DAB1: variants seen among roughly 807,000 people sequenced by gnomAD.
DAB1 encodes the protein DAB adaptor protein 1.
In DAB1, 15 loss-of-function variants were observed where a neutral mutation model predicts 64.6. The observed-to-expected ratio is 0.23, with a 90% CI of 0.16 to 0.36. The LOEUF is 0.36. DAB1 is among the 10% of genes least tolerant of loss of function. The probability of loss-of-function intolerance (pLI) is 1.00; values close to 1 mark genes in which losing one functional copy is unlikely to be tolerated. For synonymous variants in DAB1, 235 were observed against 251.9 expected (o/e 0.93, Z 0.64); for missense variants, 596 against 706.7 (o/e 0.84, Z 1.78).
chr1:57,398,302 G>A (rs772794936), intron 1 of DAB1, among the ~76,000 whole-genome samples: 7 of 152,070 alleles, frequency 4.6e-5, no homozygotes, highest in African/African-American at 1.4e-4. Flanking sequence ...GAGTGCCCTC[G>A]AGCACAGAGG....
chr1:57,439,648 T>TCC (rs1685860379), intron 7 of DAB1, among the ~76,000 whole-genome samples: 1 of 122,244 alleles, frequency 8.2e-6, no homozygotes, highest in Admixed American at 7.7e-5. Context: ...AGGATGGTCT[T>TCC]GATCTTCTGA....
rs1644983016 is a variant in DAB1, at chr1:57,555,910, C to T, written n.625+93682G>A. ...CCTTTACATTCTATTTAAAAATGACCCCTTTTTCATTCCAACTCCCAATTA... is the reference window on the plus strand; with the variant it reads ...CCTTTACATTCTATTTAAAAATGACTCCTTTTTCATTCCAACTCCCAATTA... On this transcript the variant is annotated intron_variant and non_coding_transcript_variant, in intron 7 of 20. Transcript: ENST00000485760. Among the ~76,000 whole-genome samples, 2 of 152,072 alleles carry T rather than the reference C, an allele frequency of 1.3e-5. 1 individual carries two copies. Among genetic ancestry groups the T allele is most frequent in the Admixed American group, 1.3e-4 (2 of 15,256 alleles).
At chr1:57,756,634 G>A (rs1648820359) in intron 6 of DAB1, among the ~76,000 whole-genome samples, 1 of 151,804 alleles carries the variant, frequency 6.6e-6, no homozygotes, top group African/African-American at 2.4e-5. Flanking sequence ...GTGGGGAGAT[G>A]AGAAGTCCAG....
chr1:57,041,631 TA>T (rs1353615611), intron 9 of DAB1, among the ~76,000 whole-genome samples: 3 of 152,206 alleles, frequency 2.0e-5, no homozygotes, highest in African/African-American at 7.2e-5. Flanking sequence ...AGTTGAAGAT[TA>T]CCCAGGATAA....
At chr1:57,703,279 A>G (rs144709502) in intron 6 of DAB1, among the ~76,000 whole-genome samples, 2,201 of 152,316 alleles carry the variant, frequency 0.014, 54 homozygotes, top group African/African-American at 0.051. Flanking sequence ...AAATTTTTGC[A>G]AACTATGCGT....
intron 7 of DAB1, among the ~76,000 whole-genome samples, chr1:57,511,270 A>G (rs1001095467): frequency 9.2e-5 from 14 of 152,130 alleles, no homozygotes; most frequent in African/African-American, 3.4e-4. Context: ...CAAAACAAAA[A>G]CAAGCTTCTG....
intron 6 of DAB1, among the ~76,000 whole-genome samples, chr1:57,679,597 C>G (rs1442173070): frequency 6.6e-6 from 1 of 152,184 alleles, no homozygotes; most frequent in Non-Finnish European, 1.5e-5. Flanking sequence ...TAAACTTCAT[C>G]TAATATTGTT....
chr1:57,440,518 G>A (rs1685900930), intron 7 of DAB1, among the ~76,000 whole-genome samples: 1 of 152,130 alleles, frequency 6.6e-6, no homozygotes. Flanking sequence ...ACTGAGCAAA[G>A]AGGAAAGGAA....
At chr1:58,467,032 T>C (rs1328433999) in intron 3 of DAB1, among the ~76,000 whole-genome samples, 1 of 152,216 alleles carries the variant, frequency 6.6e-6, no homozygotes, top group African/African-American at 2.4e-5. Context: ...TGCCTGGATG[T>C]AGTGCCTCCC....
chr1:57,008,628 G>C (rs1357389141), intron 14 of DAB1, among the ~76,000 whole-genome samples: 1 of 152,154 alleles, frequency 6.6e-6, no homozygotes, highest in East Asian at 1.9e-4. Flanking sequence ...AATCACAGCA[G>C]TGTCACATAG....
chr1:58,199,975 G>A, intron 4 of DAB1, among the ~76,000 whole-genome samples: 1 of 152,142 alleles, frequency 6.6e-6, no homozygotes. Flanking sequence ...AGCAGGGGCG[G>A]AAGTGGAGGT....
At chr1:58,383,374 G>A (rs1644406489) in intron 3 of DAB1, among the ~76,000 whole-genome samples, 1 of 152,094 alleles carries the variant, frequency 6.6e-6, no homozygotes, top group South Asian at 2.1e-4. Flanking sequence ...ACTCACAGTG[G>A]ACTCCTAGCG....
At chr1:57,436,165 C>T (rs1416810656) in intron 7 of DAB1, among the ~76,000 whole-genome samples, 1 of 152,112 alleles carries the variant, frequency 6.6e-6, no homozygotes, top group Admixed American at 6.5e-5. Flanking sequence ...GATCCAACCT[C>T]CTCGGCCTCC....
chr1:57,921,283 G>A (rs1295440812), intron 5 of DAB1, among the ~76,000 whole-genome samples: 2 of 152,112 alleles, frequency 1.3e-5, no homozygotes, highest in Admixed American at 6.5e-5. Flanking sequence ...GACTGTGGCT[G>A]GAAAAATATG....
At chr1:57,337,290 T>C (rs1677159874) in intron 1 of DAB1, among the ~76,000 whole-genome samples, 1 of 152,202 alleles carries the variant, frequency 6.6e-6, no homozygotes, top group Non-Finnish European at 1.5e-5. Flanking sequence ...TCTATGAACT[T>C]CCCACCTTAT....
intron 1 of DAB1, among the ~76,000 whole-genome samples, chr1:58,545,433 G>T (rs976038998): frequency 6.6e-6 from 1 of 152,046 alleles, no homozygotes; most frequent in Non-Finnish European, 1.5e-5. Flanking sequence ...TTATCCTGAA[G>T]AAAGGGTAAA....
intron 5 of DAB1, among the ~76,000 whole-genome samples, chr1:58,000,598 T>C (rs1446557030): frequency 1.5e-5 from 2 of 135,712 alleles, no homozygotes; most frequent in African/African-American, 5.5e-5. Context: ...TGAGACAGAG[T>C]CTCGCTCTGT....
At chr1:57,260,307 T>C (rs867059877) in intron 2 of DAB1, among the ~76,000 whole-genome samples, 2 of 152,172 alleles carry the variant, frequency 1.3e-5, no homozygotes, top group East Asian at 1.9e-4. Flanking sequence ...CCTCATTCAC[T>C]GGGTGCTTAC....
At chr1:58,338,722 A>G (rs1434908550) in intron 4 of DAB1, among the ~76,000 whole-genome samples, 2 of 152,220 alleles carry the variant, frequency 1.3e-5, no homozygotes, top group Admixed American at 1.3e-4. Context: ...TTCATGCAGC[A>G]CTATTCACAA....
Sources: allele counts gnomAD v4.1 joint callset (sites outside exome capture counted in the v4.1 genomes callset), GRCh38; gene constraint gnomAD v4.1.1; transcripts MANE v1.5; gene names NCBI Gene and HGNC (gene_info 2026-07-23, HGNC 2026-07-21).